ZNF280D: variants seen among roughly 807,000 people sequenced by gnomAD.
The protein encoded by ZNF280D is zinc finger protein 280D.
A neutral mutation model predicts 94.7 loss-of-function variants in ZNF280D; 39 were observed. The ratio of observed to expected loss-of-function variants is 0.41; its 90% CI spans 0.32 to 0.54. The LOEUF (loss-of-function observed/expected upper bound fraction) is 0.54, where lower values mean the gene tolerates loss of function less well. ZNF280D is among the 20% of genes least tolerant of loss of function. The pLI, the probability that ZNF280D is intolerant of heterozygous loss-of-function variation, is 0.22. For synonymous variants in ZNF280D, 398 were observed against 377.6 expected, an observed-to-expected ratio of 1.05 and a Z score of -0.63; for missense variants, 1,090 against 1,149.3, an observed-to-expected ratio of 0.95 and a Z score of 0.75.
rs1270282167 is a variant in ZNF280D at position 56,630,551 on chromosome 15, GA to G, written c.*946del. The G allele has an allele frequency of 8.5e-5, 13 of 152,090 alleles. No individual in the cohort carries two copies. Among genetic ancestry groups the G allele is most frequent in the South Asian group, 2.1e-4 (1 of 4,826 alleles). 9.4% of individuals were successfully genotyped at this position (152,090 alleles called of 1,614,324 possible). On this transcript the variant is annotated 3_prime_UTR_variant, in exon 22 of 22. Coordinates refer to ENST00000267807, the MANE Select transcript of ZNF280D (RefSeq NM_017661.4). ...ACAGAAAAGTCACTTAAACATGGCT[GA>G]ATACATGCCAGGACATGTTTTCAGT...
At chr15:56,681,286 A>G (rs1464781502) in intron 10 of ZNF280D, among the ~76,000 whole-genome samples, 2 of 152,226 alleles carry the variant, frequency 1.3e-5, no homozygotes, top group African/African-American at 4.8e-5. Flanking sequence ...CTAATTACAG[A>G]TGACAGTTAC....
chr15:56,677,710 AG>A, intron 11 of ZNF280D, 36 bp from the exon 12 acceptor site: 5 of 870,350 alleles, frequency 5.7e-6, no homozygotes, highest in Non-Finnish European at 8.0e-6. Context: ...ATAATATTTA[AG>A]ATATTAATAT....
intron 19 of ZNF280D, among the ~76,000 whole-genome samples, chr15:56,649,874 G>A (rs2053108613): frequency 6.6e-6 from 1 of 151,944 alleles, no homozygotes; most frequent in African/African-American, 2.4e-5. Context: ...GTTCCTAAGA[G>A]TTTACTTACT....
intron 10 of ZNF280D, among the ~76,000 whole-genome samples, chr15:56,680,870 C>A (rs1471604): frequency 1 from 152,184 of 152,304 alleles, 76,032 homozygotes; most frequent in Non-Finnish European, 1. Flanking sequence ...CAGTACAAGA[C>A]ATTAAGTCAA....
intron 6 of ZNF280D, chr15:56,700,008 G>C (rs1347202349): frequency 6.0e-6 from 1 of 166,132 alleles, no homozygotes; most frequent in African/African-American, 2.4e-5. Context: ...CATTACTTTA[G>C]CATCACCAGT....
intron 17 of ZNF280D, chr15:56,654,772 G>A (rs2140690811): frequency 2.0e-6 from 1 of 512,634 alleles, no homozygotes; most frequent in South Asian, 1.5e-5. Context: ...AGAAGACCTA[G>A]AGTCAGTCTT....
intron 17 of ZNF280D, chr15:56,654,906 G>C (rs1280039036): frequency 7.0e-6 from 3 of 431,438 alleles, no homozygotes; most frequent in Non-Finnish European, 9.4e-6. Flanking sequence ...TATATATACT[G>C]TACTACTAGG....
chr15:56,731,577 A>C (rs1443718698), intron 1 of ZNF280D, among the ~76,000 whole-genome samples: 1 of 151,740 alleles, frequency 6.6e-6, no homozygotes, highest in East Asian at 1.9e-4. Context: ...AATATATACT[A>C]CACCACGTTA....
chr15:56,653,652 AT>A (rs2053346936), intron 19 of ZNF280D: 3 of 1,407,782 alleles, frequency 2.1e-6, no homozygotes, highest in Admixed American at 3.0e-5. Flanking sequence ...GAAAAAGACA[AT>A]TATCTGGCCT....
rs1369266040 is a variant in ZNF280D at position 56,661,050 on chromosome 15, T to C, written c.1995-2564A>G. 2.0e-5 allele frequency among the ~76,000 whole-genome samples: 3 copies of C among 152,034 alleles called. 1 individual carries two copies. Among genetic ancestry groups the C allele is most frequent in the Admixed American group, 1.3e-4 (2 of 15,242 alleles). On this transcript the variant is annotated intron_variant, in intron 16 of 21. Coordinates refer to ENST00000267807, the MANE Select transcript of ZNF280D (RefSeq NM_017661.4). ...TATTTGCTAAATCAATGAATACATA[T>C]TCATAAATAATTAACACAAGATAAA...
intron 20 of ZNF280D, 146 bp from the exon 21 acceptor site, chr15:56,635,396 T>G: frequency 4.4e-6 from 1 of 227,620 alleles, no homozygotes; most frequent in Non-Finnish European, 8.1e-6. Flanking sequence ...ATATAAAATA[T>G]AATTAGAATA....
intron 13 of ZNF280D, among the ~76,000 whole-genome samples, chr15:56,669,627 C>T (rs1458919959): frequency 3.3e-5 from 5 of 149,448 alleles, no homozygotes; most frequent in Non-Finnish European, 7.4e-5. Flanking sequence ...GTAGCTACTA[C>T]ATCAGACAAT....
At chr15:56,653,966 C>T (rs1279373607) in intron 19 of ZNF280D, 1 of 1,393,128 alleles carries the variant, frequency 7.2e-7, no homozygotes, top group African/African-American at 1.5e-5. Flanking sequence ...TGCTCAACTG[C>T]CTTTGTGTAA....
intron 10 of ZNF280D, 89 bp downstream of exon 10, chr15:56,682,165 A>G (rs1029843526): frequency 5.4e-6 from 5 of 925,282 alleles, no homozygotes; most frequent in Middle Eastern, 3.3e-4. Context: ...ACTTACCTAG[A>G]ATGGCATAGA....
rs200822809 is a variant in ZNF280D, at chr15:56,700,975, T to A, written c.339A>T (p.Arg113Ser). ...ASPINFHPES[R>S]SSDSSVIVQP... ...GAACAATAACAGAACTATCTGAAGA[T>A]CTAGACTCAGGATGAAAATTTATTG... The change falls in exon 6 of 22, where the codon AGA (arginine) becomes AGT (serine). Residue 113 changes from arginine to serine, a missense_variant. Around this residue, in one of 3 missense-constraint regions of ZNF280D, gnomAD observed 386 missense variants for 372.0 expected, o/e 1.04. Transcript: ENST00000267807. 1.2e-5 allele frequency: 20 copies of A among 1,613,796 alleles called. No individual in the cohort carries two copies. Among genetic ancestry groups the A allele is most frequent in the Non-Finnish European group, 4.2e-6 (5 of 1,179,860 alleles).
In ZNF280D at chr15:56,673,780, C is replaced by T. The variant is rs189254118; in HGVS notation, c.1410+2890G>A. ...CTATTCTTTGAGCATCCCAGGTATA[C>T]ACTCACCTCACTGCCTATATAATGT... On this transcript the variant is annotated intron_variant, in intron 13 of 21. Transcript: ENST00000267807. 1.7e-4 allele frequency among the ~76,000 whole-genome samples: 26 copies of T among 152,122 alleles called. No homozygotes were observed. In the East Asian group the frequency reaches 4.5e-3, roughly 26 times the overall value.
chr15:56,691,288 A>T (rs191174523), intron 7 of ZNF280D, among the ~76,000 whole-genome samples: 45 of 152,196 alleles, frequency 3.0e-4, no homozygotes, highest in Middle Eastern at 3.4e-3. Context: ...CATAAAAATG[A>T]TTTTTTTCCA....
At position 56,689,078 on chromosome 15, in the gene ZNF280D, T is replaced by A; in HGVS notation, c.743A>T (p.His248Leu). ...FPRACPKCNI[H>L]FNLLDPLKNH... is the part of the protein sequence containing the mutation. ...TTTCAAAGGATCCAAAAGATTGAAA[T>A]GAATGTTGCACTTTGGACAAGCTCT... Residue 248 changes from histidine (H) to leucine (L), a missense_variant, in exon 9 of 22, where the codon CAT becomes CTT. Around this residue, in one of 3 missense-constraint regions of ZNF280D, gnomAD observed 386 missense variants for 372.0 expected, o/e 1.04. Transcript: ENST00000267807. 6.2e-7 allele frequency: 1 copy of A among 1,610,030 alleles called. No individual in the cohort carries two copies. Among genetic ancestry groups the A allele is most frequent in the Non-Finnish European group, 8.5e-7 (1 of 1,178,490 alleles).
At chr15:56,707,436 A>G (rs1243937684) in intron 1 of ZNF280D, 130 bp from the exon 2 acceptor site, 41 of 673,326 alleles carry the variant, frequency 6.1e-5, no homozygotes, top group Non-Finnish European at 7.1e-5. Flanking sequence ...TTCATTTTAC[A>G]TAATTGGTTC....
Sources: gnomAD v4.1 joint callset for allele counts (sites outside exome capture counted in the v4.1 genomes callset) on GRCh38, gnomAD v4.1.1 for gene constraint, gnomAD v4.1.1 regional missense constraint, MANE v1.5 for transcripts, NCBI Gene and HGNC (gene_info 2026-07-23, HGNC 2026-07-21) for gene names.